PTPN1: variants seen among roughly 807,000 people sequenced by gnomAD.
PTPN1 encodes the protein protein tyrosine phosphatase non-receptor type 1.
Under a neutral mutation model 59.9 loss-of-function variants are expected in PTPN1, and 12 were observed. That is an observed-to-expected ratio of 0.20 (90% confidence interval 0.13 to 0.32). PTPN1 has a LOEUF of 0.32. Among genes scored for constraint, PTPN1 ranks in the 10% least tolerant of loss-of-function variants. PTPN1 has a pLI of 1.00. For missense variants in PTPN1, 356 were observed against 549.2 expected (o/e 0.65, Z 3.52); for synonymous variants, 178 against 203.6 (o/e 0.87, Z 1.07).
rs192226266 is a variant in PTPN1 at position 50,510,463 on chromosome 20, G to A, written c.-65G>A. On this transcript the variant is annotated 5_prime_UTR_variant, in exon 1 of 10. Transcript: ENST00000371621. ...CGGGCCTCGGGGCTAAGAGCGCGAC[G>A]CGGCCTAGAGCGGCAGACGGCGCAG... 1.0e-4 allele frequency: 157 copies of A among 1,523,320 alleles called. No homozygotes were observed. The highest frequency in any genetic ancestry group is 8.6e-4 in the Middle Eastern group (5 of 5,792). The allele number at this position is 1,523,320 out of a possible 1,614,324, so 94.4% of individuals were successfully genotyped here.
At chr20:50,545,108 G>A (rs763816541) in intron 1 of PTPN1, among the ~76,000 whole-genome samples, 6 of 152,110 alleles carry the variant, frequency 3.9e-5, no homozygotes, top group Non-Finnish European at 8.8e-5. Flanking sequence ...CCATCAAGAG[G>A]TACAATGTCT....
rs184946627 is a variant in PTPN1, at chr20:50,568,126, G to A, written c.256-254G>A. On this transcript the variant is annotated intron_variant, in intron 3 of 9. Coordinates refer to ENST00000371621, the MANE Select transcript of PTPN1 (RefSeq NM_002827.4). This position sits in a 1 kb window ranked among gnomAD's most constrained non-coding sequence, Gnocchi z 5.6. The stretch of plus-strand genomic sequence containing the variant: ...CCTGCCTGAGCCAGAAAGCAGAATC[G>A]GCATTTTTCTGTCCTTGGTTGGCCC... 1.7e-3 allele frequency among the ~76,000 whole-genome samples: 257 copies of A among 152,290 alleles called. 1 individual carries two copies. Among genetic ancestry groups the A allele is most frequent in the Middle Eastern group, 3.4e-3 (1 of 294 alleles).
chr20:50,563,729 G>A (rs962875735), intron 2 of PTPN1, among the ~76,000 whole-genome samples: 1 of 152,108 alleles, frequency 6.6e-6, no homozygotes, highest in South Asian at 2.1e-4. Flanking sequence ...CTAGGGAGAA[G>A]GTACTATTTA....
At chr20:50,531,097 C>T (rs974612664) in intron 1 of PTPN1, among the ~76,000 whole-genome samples, 10 of 152,092 alleles carry the variant, frequency 6.6e-5, no homozygotes, top group African/African-American at 2.2e-4. Flanking sequence ...TCTGGTCCAG[C>T]GTCTTTCCTC....
chr20:50,527,274 G>A (rs1052962114), intron 1 of PTPN1, among the ~76,000 whole-genome samples: 1 of 152,006 alleles, frequency 6.6e-6, no homozygotes, highest in Non-Finnish European at 1.5e-5. Context: ...TCTGCCCATC[G>A]TTCATCTTCC....
chr20:50,562,723 A>G (rs2082758890), intron 2 of PTPN1, among the ~76,000 whole-genome samples: 1 of 152,204 alleles, frequency 6.6e-6, no homozygotes. Context: ...CACCTCATTG[A>G]TATTTGTTTA....
chr20:50,569,481 T>G (rs1260085349), intron 4 of PTPN1, among the ~76,000 whole-genome samples: 1 of 151,946 alleles, frequency 6.6e-6, no homozygotes, highest in Non-Finnish European at 1.5e-5. Context: ...ATAGCCGATT[T>G]CTGGGCAGCC....
chr20:50,580,138 C>T (rs1465043478), intron 8 of PTPN1, among the ~76,000 whole-genome samples: 1 of 152,228 alleles, frequency 6.6e-6, no homozygotes, highest in Non-Finnish European at 1.5e-5. Flanking sequence ...GGACATGAGC[C>T]ACTTCTGTGG....
At chr20:50,567,201 G>T (rs1462934737) in intron 3 of PTPN1, among the ~76,000 whole-genome samples, 4 of 152,210 alleles carry the variant, frequency 2.6e-5, no homozygotes, top group Admixed American at 6.5e-5. Flanking sequence ...GCTGAAGCAG[G>T]TGGATCACTT....
chr20:50,534,029 C>T (rs1415131990), intron 1 of PTPN1, among the ~76,000 whole-genome samples: 1 of 152,198 alleles, frequency 6.6e-6, no homozygotes, highest in Non-Finnish European at 1.5e-5. Context: ...CTCCCGAGTT[C>T]AAGCGATTCT....
At position 50,511,619 on chromosome 20, in the gene PTPN1, T is replaced by G. The variant is rs116108069; in HGVS notation, c.63+1029T>G. Among the ~76,000 whole-genome samples the G allele has an allele frequency of 4.1e-3, 617 of 152,264 alleles. 3 individuals are homozygous for G. Among genetic ancestry groups the G allele is most frequent in the African/African-American group, 0.014 (592 of 41,538 alleles). On this transcript the variant is annotated intron_variant, in intron 1 of 9. Coordinates refer to ENST00000371621, the MANE Select transcript of PTPN1 (RefSeq NM_002827.4). ...AGTCATCTCCTTGTGTGTTAAAAAG[T>G]TAGGAAAGGAGGGTTTCTCATATAT...
At chr20:50,544,357 T>C (rs1028436393) in intron 1 of PTPN1, among the ~76,000 whole-genome samples, 2 of 151,656 alleles carry the variant, frequency 1.3e-5, no homozygotes, top group Non-Finnish European at 2.9e-5. Context: ...GGTTTCACCA[T>C]GTTGCCCAGG....
intron 1 of PTPN1, among the ~76,000 whole-genome samples, chr20:50,522,723 G>A (rs1194294419): frequency 1.3e-5 from 2 of 152,110 alleles, no homozygotes; most frequent in South Asian, 2.1e-4. Context: ...CCTAAGTTTT[G>A]TACCTTTCTC....
At position 50,533,800 on chromosome 20, in the gene PTPN1, C is replaced by T. The variant is rs532158757; in HGVS notation, c.63+23210C>T. On this transcript the variant is annotated intron_variant, in intron 1 of 9. Transcript: ENST00000371621. ...AGGCTGGAGGTGGAACAGGGCTGCT[C>T]GCTAGAACTCCAGATTGTTCCACAA... 8.5e-5 allele frequency among the ~76,000 whole-genome samples: 13 copies of T among 152,144 alleles called. No individual in the cohort carries two copies. The South Asian group carries it at 1.0e-3, about 12-fold the overall frequency.
intron 1 of PTPN1, among the ~76,000 whole-genome samples, chr20:50,540,370 A>G (rs570276224): frequency 1.5e-3 from 235 of 152,352 alleles, no homozygotes; most frequent in African/African-American, 5.3e-3. Context: ...AAAAATTTTA[A>G]AAACATACAT....
At chr20:50,555,142 G>A (rs571405321) in intron 1 of PTPN1, among the ~76,000 whole-genome samples, 1 of 152,138 alleles carries the variant, frequency 6.6e-6, no homozygotes, top group East Asian at 1.9e-4. Context: ...AAAACAAAGA[G>A]CAAAGAAAAT....
chr20:50,576,130 C>T (rs935431033), intron 5 of PTPN1, among the ~76,000 whole-genome samples: 2 of 152,008 alleles, frequency 1.3e-5, no homozygotes, highest in African/African-American at 4.8e-5. Context: ...GTTCTGAGTA[C>T]GGTGGATGGA....
intron 3 of PTPN1, among the ~76,000 whole-genome samples, chr20:50,566,723 C>A (rs550121510): frequency 5.3e-4 from 81 of 152,306 alleles, no homozygotes; most frequent in African/African-American, 1.8e-3. Context: ...TCCTTCACCT[C>A]CCCCGTGCAG....
At chr20:50,564,177 C>T (rs551847682) in intron 2 of PTPN1, among the ~76,000 whole-genome samples, 2 of 152,236 alleles carry the variant, frequency 1.3e-5, no homozygotes, top group East Asian at 3.9e-4. Context: ...GGTTGAAGTT[C>T]GATCTTAAAT....
Sources: gnomAD v4.1 joint callset for allele counts (sites outside exome capture counted in the v4.1 genomes callset) on GRCh38, gnomAD v4.1.1 for gene constraint, Gnocchi (gnomAD v3.1) non-coding constraint, MANE v1.5 for transcripts, NCBI Gene and HGNC (gene_info 2026-07-23, HGNC 2026-07-21) for gene names.